The following OSBP2 variants were observed in gnomAD, a reference collection of about 807,000 sequenced individuals.
OSBP2 encodes oxysterol-binding protein 2.
In OSBP2, 66 loss-of-function variants were observed where a neutral mutation model predicts 96.0. The observed-to-expected ratio is 0.69, with a 90% CI of 0.56 to 0.84. OSBP2 has a LOEUF of 0.84. OSBP2 is among the 40% of genes least tolerant of loss of function. The pLI is 0.00. For synonymous variants in OSBP2, 525 were observed against 520.9 expected (o/e 1.01, Z -0.11); for missense variants, 1,038 against 1,222.7 (o/e 0.85, Z 2.25).
intron 2 of OSBP2, among the ~76,000 whole-genome samples, chr22:30,803,969 G>C (rs1427779969): frequency 1.3e-5 from 2 of 152,194 alleles, no homozygotes; most frequent in African/African-American, 4.8e-5. Flanking sequence ...GGAGCTCTGG[G>C]CTTCCTCAGC....
At chr22:30,698,938 T>A (rs989620177) in intron 1 of OSBP2, among the ~76,000 whole-genome samples, 1 of 151,546 alleles carries the variant, frequency 6.6e-6, no homozygotes, top group Admixed American at 6.6e-5. Context: ...CCATATTTTT[T>A]ATTGCAATTT....
intron 2 of OSBP2, among the ~76,000 whole-genome samples, chr22:30,829,089 C>A (rs1354284955): frequency 6.6e-6 from 1 of 152,026 alleles, no homozygotes; most frequent in East Asian, 1.9e-4. Flanking sequence ...TGGGACAGGC[C>A]CAGGCTCCCC....
chr22:30,769,100 G>A (rs1278231183), intron 2 of OSBP2, among the ~76,000 whole-genome samples: 2 of 152,224 alleles, frequency 1.3e-5, no homozygotes, highest in Non-Finnish European at 2.9e-5. Context: ...TCTGGGCTAC[G>A]GAACTAGAAA....
At chr22:30,761,598 A>G (rs985293984) in intron 2 of OSBP2, among the ~76,000 whole-genome samples, 2 of 152,256 alleles carry the variant, frequency 1.3e-5, no homozygotes, top group Non-Finnish European at 2.9e-5. Context: ...ATACATTTAT[A>G]TGAAAAGATA....
chr22:30,728,550 A>G (rs1240287942), intron 1 of OSBP2, among the ~76,000 whole-genome samples: 2 of 152,090 alleles, frequency 1.3e-5, no homozygotes, highest in Admixed American at 6.6e-5. Flanking sequence ...AGGCTAGAGT[A>G]CAGTGGTACA....
At position 30,695,387 on chromosome 22, in the gene OSBP2, A is replaced by T; in HGVS notation, c.478A>T (p.Thr160Ser). The T allele has an allele frequency of 6.2e-7, 1 of 1,613,450 alleles. No homozygotes were observed. Among genetic ancestry groups the T allele is most frequent in the African/African-American group, 1.3e-5 (1 of 74,914 alleles). The change falls in exon 1 of 14, where the codon ACT becomes TCT. Residue 160 changes from threonine to serine, a missense_variant. Coordinates refer to ENST00000332585, the MANE Select transcript of OSBP2 (RefSeq NM_030758.4). Reference protein sequence around the residue: ...LPLLRPGQAKTPLGVPMSGTG... With the variant: ...LPLLRPGQAKSPLGVPMSGTG... Reference sequence around the variant, plus strand: ...TCTTCTGCGACCAGGACAGGCGAAGACTCCTCTTGGGGTTCCAATGTCGGG... The same window carrying T: ...TCTTCTGCGACCAGGACAGGCGAAGTCTCCTCTTGGGGTTCCAATGTCGGG...
chr22:30,902,098 T>C, intron 12 of OSBP2: 1 of 420,276 alleles, frequency 2.4e-6, no homozygotes. Flanking sequence ...TAGGTAAATC[T>C]TAGCAATATA....
At chr22:30,838,521 C>T (rs2038681512) in intron 2 of OSBP2, among the ~76,000 whole-genome samples, 1 of 152,168 alleles carries the variant, frequency 6.6e-6, no homozygotes, top group African/African-American at 2.4e-5. Context: ...GAAGTGATGA[C>T]AGCAGAAATC....
rs191835051 is a variant in OSBP2 at position 30,785,753 on chromosome 22, C to T, written c.853+44384C>T. Among the ~76,000 whole-genome samples, 346 of 152,126 alleles carry T rather than the reference C, an allele frequency of 2.3e-3. 1 individual carries two copies. The highest frequency in any genetic ancestry group is 6.8e-3 in the Middle Eastern group (2 of 294). Reference sequence around the variant, plus strand: ...ACTGGATCATGGGGGCAGATTTCCCCCCTGCTGTTCCAGTGATAGTGAATG... The same window carrying T: ...ACTGGATCATGGGGGCAGATTTCCCTCCTGCTGTTCCAGTGATAGTGAATG... On this transcript the variant is annotated intron_variant, in intron 2 of 13. Transcript: ENST00000332585.
intron 1 of OSBP2, among the ~76,000 whole-genome samples, chr22:30,700,721 A>G (rs1486157729): frequency 6.6e-6 from 1 of 152,190 alleles, no homozygotes; most frequent in Non-Finnish European, 1.5e-5. Flanking sequence ...TAAGCCAGTT[A>G]GCAAGGAATG....
intron 1 of OSBP2, among the ~76,000 whole-genome samples, chr22:30,718,709 G>A (rs560159665): frequency 2.8e-4 from 43 of 152,178 alleles, no homozygotes; most frequent in Non-Finnish European, 1.5e-5. Flanking sequence ...TTACAACTTC[G>A]GAGTTGCAGT....
At chr22:30,698,089 A>G (rs2089083154) in intron 1 of OSBP2, among the ~76,000 whole-genome samples, 1 of 152,154 alleles carries the variant, frequency 6.6e-6, no homozygotes, top group Non-Finnish European at 1.5e-5. Flanking sequence ...GGGATCAAGG[A>G]CTGAGCATCC....
intron 2 of OSBP2, among the ~76,000 whole-genome samples, chr22:30,782,071 A>C (rs1266902984): frequency 6.6e-6 from 1 of 152,172 alleles, no homozygotes; most frequent in African/African-American, 2.4e-5. Flanking sequence ...TCTTGAACCC[A>C]GGAGGTGGAG....
intron 1 of OSBP2, among the ~76,000 whole-genome samples, chr22:30,714,862 C>T (rs2089421090): frequency 6.6e-6 from 1 of 152,194 alleles, no homozygotes; most frequent in African/African-American, 2.4e-5. Context: ...GTGATCCACT[C>T]ACCTTGGCCT....
At chr22:30,757,891 C>G (rs1450989572) in intron 2 of OSBP2, among the ~76,000 whole-genome samples, 1 of 152,194 alleles carries the variant, frequency 6.6e-6, no homozygotes, top group African/African-American at 2.4e-5. Flanking sequence ...CCTGCCCTCC[C>G]TGATCCCTCA....
chr22:30,755,460 A>T (rs1241174778), intron 2 of OSBP2, among the ~76,000 whole-genome samples: 1 of 152,216 alleles, frequency 6.6e-6, no homozygotes, highest in Non-Finnish European at 1.5e-5. Flanking sequence ...GAGGAAGGGC[A>T]TGGAGTTTTC....
At chr22:30,858,361 T>G (rs2039129276) in intron 2 of OSBP2, among the ~76,000 whole-genome samples, 2 of 150,832 alleles carry the variant, frequency 1.3e-5, no homozygotes, top group Non-Finnish European at 2.9e-5. Flanking sequence ...TTAGCCAGGA[T>G]GGTCTCGATC....
intron 2 of OSBP2, among the ~76,000 whole-genome samples, chr22:30,793,114 G>A (rs2090700754): frequency 6.6e-6 from 1 of 152,240 alleles, no homozygotes; most frequent in Non-Finnish European, 1.5e-5. Flanking sequence ...TAGGAGCCGG[G>A]TGCGGTGGCT....
At chr22:30,763,640 A>G (rs1048954764) in intron 2 of OSBP2, among the ~76,000 whole-genome samples, 2 of 150,728 alleles carry the variant, frequency 1.3e-5, no homozygotes, top group Admixed American at 6.6e-5. Flanking sequence ...AGTGACAGAA[A>G]AAAAAAAAAA....
Sources: allele counts gnomAD v4.1 joint callset (sites outside exome capture counted in the v4.1 genomes callset), GRCh38; gene constraint gnomAD v4.1.1; transcripts MANE v1.5; gene names NCBI Gene and HGNC (gene_info 2026-07-23, HGNC 2026-07-21).